The following KIF26B variants were observed in gnomAD, a reference collection of about 807,000 sequenced individuals.
KIF26B encodes the protein kinesin family member 26B, also known as kinesin-like protein KIF26B.
KIF26B carries 63 observed loss-of-function variants against 151.2 expected under a neutral mutation model. That is an observed-to-expected ratio of 0.42 (90% CI 0.34 to 0.51). The LOEUF (loss-of-function observed/expected upper bound fraction) is 0.51, where lower values mean the gene tolerates loss of function less well. Ranked by LOEUF, KIF26B falls within the 20% of genes least tolerant of loss-of-function variation. The pLI is 0.07. For missense variants in KIF26B, 2,813 were observed against 2,913.6 expected, an observed-to-expected ratio of 0.97 and a Z score of 0.79; for synonymous variants, 1,357 against 1,262.1, an observed-to-expected ratio of 1.08 and a Z score of -1.59.
intron 2 of KIF26B, among the ~76,000 whole-genome samples, chr1:245,340,218 A>G (rs1343733554): frequency 1.3e-5 from 2 of 152,204 alleles, no homozygotes; most frequent in African/African-American, 2.4e-5. Context: ...CTGGTATAAA[A>G]TGTCATGGTA....
At chr1:245,556,365 CTT>C (rs1662038734) in intron 5 of KIF26B, among the ~76,000 whole-genome samples, 8 of 125,098 alleles carry the variant, frequency 6.4e-5, no homozygotes, top group African/African-American at 2.0e-4. Flanking sequence ...CCTCCTCCTT[CTT>C]CTTCTTCCTC....
chr1:245,259,798 G>T (rs1670599511), intron 2 of KIF26B, among the ~76,000 whole-genome samples: 1 of 151,990 alleles, frequency 6.6e-6, no homozygotes, highest in Admixed American at 6.6e-5. Flanking sequence ...AGCCAGATAT[G>T]GTGGCATGCA....
intron 3 of KIF26B, among the ~76,000 whole-genome samples, chr1:245,387,204 A>C (rs1673572552): frequency 7.0e-6 from 1 of 142,806 alleles, no homozygotes; most frequent in Non-Finnish European, 1.5e-5. Flanking sequence ...CACTCTTGTC[A>C]CCCAAGCTGG....
chr1:245,163,000 C>T (rs1196513601), intron 2 of KIF26B, among the ~76,000 whole-genome samples: 6 of 152,176 alleles, frequency 3.9e-5, no homozygotes, highest in Non-Finnish European at 1.5e-5. Context: ...TCATCTTTCT[C>T]TAAATGTCTA....
At chr1:245,383,671 T>C (rs1436629166) in intron 3 of KIF26B, among the ~76,000 whole-genome samples, 1 of 152,174 alleles carries the variant, frequency 6.6e-6, no homozygotes, top group African/African-American at 2.4e-5. Flanking sequence ...CAGCAGCCTC[T>C]TTGATGAGTC....
intron 2 of KIF26B, among the ~76,000 whole-genome samples, chr1:245,267,950 C>T (rs1156551858): frequency 6.6e-6 from 1 of 152,066 alleles, no homozygotes; most frequent in Non-Finnish European, 1.5e-5. Context: ...TTTTATTGCT[C>T]AACACAGATT....
At chr1:245,211,768 T>A (rs1376332826) in intron 2 of KIF26B, among the ~76,000 whole-genome samples, 1 of 152,248 alleles carries the variant, frequency 6.6e-6, no homozygotes, top group Non-Finnish European at 1.5e-5. Flanking sequence ...TCCCTTACTT[T>A]ACCCACAAAC....
intron 2 of KIF26B, among the ~76,000 whole-genome samples, chr1:245,284,381 A>C (rs1205843334): frequency 1.0e-5 from 1 of 96,098 alleles, no homozygotes; most frequent in Non-Finnish European, 2.1e-5. Context: ...AGATACCTGG[A>C]GTATTATTAC....
At chr1:245,412,948 C>T (rs973040954) in intron 3 of KIF26B, among the ~76,000 whole-genome samples, 2 of 152,156 alleles carry the variant, frequency 1.3e-5, no homozygotes, top group African/African-American at 4.8e-5. Flanking sequence ...GCAGCCTGGC[C>T]CCTTTTGCTG....
At chr1:245,236,511 TTTA>T (rs1393592589) in intron 2 of KIF26B, among the ~76,000 whole-genome samples, 1 of 152,232 alleles carries the variant, frequency 6.6e-6, no homozygotes, top group Non-Finnish European at 1.5e-5. Flanking sequence ...CTATAGGATT[TTTA>T]TTATTTAAAA....
chr1:245,351,406 G>A (rs1347461146), intron 2 of KIF26B, among the ~76,000 whole-genome samples: 1 of 152,088 alleles, frequency 6.6e-6, no homozygotes, highest in African/African-American at 2.4e-5. Context: ...ACTCAGCTAT[G>A]CCTTTTCATG....
intron 5 of KIF26B, among the ~76,000 whole-genome samples, chr1:245,595,883 A>T (rs540736237): frequency 6.6e-6 from 1 of 152,236 alleles, no homozygotes; most frequent in Admixed American, 6.5e-5. Flanking sequence ...TTCTTGGTTT[A>T]GGCTTGGGAG....
intron 2 of KIF26B, among the ~76,000 whole-genome samples, chr1:245,198,969 C>CGCTGA (rs1172148585): frequency 1.0e-4 from 7 of 69,864 alleles, no homozygotes; most frequent in South Asian, 4.6e-4. Context: ...AGAGTGTGGC[C>CGCTGA]GCTGAGCTGA....
chr1:245,643,150 C>CT (rs542062435), intron 9 of KIF26B, among the ~76,000 whole-genome samples: 127 of 152,298 alleles, frequency 8.3e-4, no homozygotes, highest in African/African-American at 3.0e-3. Flanking sequence ...TAGAGCCTCA[C>CT]TTTTTTATCC....
intron 2 of KIF26B, among the ~76,000 whole-genome samples, chr1:245,259,187 GTTC>G (rs1287378293): frequency 3.3e-5 from 5 of 152,180 alleles, no homozygotes; most frequent in Non-Finnish European, 7.3e-5. Flanking sequence ...TCCCCACTCA[GTTC>G]TTCTGTTCAT....
At chr1:245,592,718 GCCCCCTGAT>G (rs1352177725) in intron 5 of KIF26B, among the ~76,000 whole-genome samples, 1 of 146,172 alleles carries the variant, frequency 6.8e-6, no homozygotes, top group Non-Finnish European at 1.5e-5. Flanking sequence ...GGTGGATAAA[GCCCCCTGAT>G]CTTTGAACAT....
At chr1:245,503,859 T>G (rs1327727973) in intron 4 of KIF26B, among the ~76,000 whole-genome samples, 1 of 152,206 alleles carries the variant, frequency 6.6e-6, no homozygotes, top group Non-Finnish European at 1.5e-5. Flanking sequence ...GCTATGGGAT[T>G]TGATGCCACA....
chr1:245,436,890 CTTT>C (rs539810099), intron 4 of KIF26B, among the ~76,000 whole-genome samples: 7 of 122,318 alleles, frequency 5.7e-5, no homozygotes, highest in East Asian at 4.8e-4. Flanking sequence ...TTCTCCCTCT[CTTT>C]TTTTTTTTTT....
At chr1:245,384,201 C>T (rs1673485899) in intron 3 of KIF26B, among the ~76,000 whole-genome samples, 1 of 151,624 alleles carries the variant, frequency 6.6e-6, no homozygotes, top group Admixed American at 6.6e-5. Flanking sequence ...CCACAGTCAC[C>T]AAGTCCACTG....
Sources: allele counts gnomAD v4.1 joint callset (sites outside exome capture counted in the v4.1 genomes callset), GRCh38; gene constraint gnomAD v4.1.1; transcripts MANE v1.5; gene names NCBI Gene and HGNC (gene_info 2026-07-23, HGNC 2026-07-21).